The following RGS6 variants were observed in gnomAD, a reference collection of about 807,000 sequenced individuals.
The protein encoded by RGS6 is regulator of G protein signaling 6.
Under a neutral mutation model 78.5 loss-of-function variants are expected in RGS6, and 30 were observed. The ratio of observed to expected loss-of-function variants is 0.38; its 90% CI spans 0.29 to 0.52. The LOEUF (loss-of-function observed/expected upper bound fraction) is 0.52. RGS6 is among the 20% of genes least tolerant of loss of function. The pLI, the probability that RGS6 is intolerant of heterozygous loss-of-function variation, is 0.85. For missense variants in RGS6, 495 were observed against 609.7 expected, an observed-to-expected ratio of 0.81 and a Z score of 1.98; for synonymous variants, 206 against 206.0, an observed-to-expected ratio of 1.00 and a Z score of 0.00.
chr14:71,949,828 A>G (rs1176212583), intron 1 of RGS6, among the ~76,000 whole-genome samples: 5 of 150,482 alleles, frequency 3.3e-5, no homozygotes, highest in African/African-American at 1.2e-4. Context: ...GGTTGTAAAA[A>G]TCTACCTGTG....
chr14:72,512,568 C>G (rs2096891728), intron 14 of RGS6, among the ~76,000 whole-genome samples: 1 of 152,202 alleles, frequency 6.6e-6, no homozygotes, highest in Admixed American at 6.5e-5. Flanking sequence ...GCCACACCCC[C>G]AGAATGCAGA....
At chr14:72,376,716 A>G (rs2084821757) in intron 3 of RGS6, among the ~76,000 whole-genome samples, 1 of 152,218 alleles carries the variant, frequency 6.6e-6, no homozygotes, top group Admixed American at 6.5e-5. Flanking sequence ...TTGCCATTCA[A>G]TATTATGCCC....
At chr14:71,965,871 C>T (rs1221467856) in intron 2 of RGS6, among the ~76,000 whole-genome samples, 3 of 152,092 alleles carry the variant, frequency 2.0e-5, no homozygotes, top group African/African-American at 4.8e-5. Context: ...GAATTAAAGT[C>T]TGGATTAAAA....
chr14:71,989,238 T>A (rs1384077067), intron 2 of RGS6, among the ~76,000 whole-genome samples: 1 of 152,238 alleles, frequency 6.6e-6, no homozygotes. Flanking sequence ...GGTAAACCCA[T>A]GCCTGGGCCT....
In RGS6 at chr14:72,003,638, G is replaced by A. The variant is rs2083928278; in HGVS notation, c.84+38763G>A. ...TCCATACAGTAGGTGACACAGGTTA[G>A]GTTCCTCCAGAAAGCAGCCTCTTAT... is the stretch of plus-strand genomic sequence containing the variant. On this transcript the variant is annotated intron_variant, in intron 2 of 17. Transcript: ENST00000553525. 7.2e-5 allele frequency among the ~76,000 whole-genome samples: 11 copies of A among 152,208 alleles called. No individual in the cohort carries two copies. The South Asian group carries it at 1.2e-3, about 17-fold the overall frequency.
At chr14:72,629,516 T>A in the RGS6 span, 1 of 1,065,868 alleles carries the variant, frequency 9.4e-7, no homozygotes, top group Non-Finnish European at 1.4e-6. Context: ...AGTGCCAGGG[T>A]AACAGGCCCC....
chr14:71,885,553 G>T, the RGS6 span, among the ~76,000 whole-genome samples: 6 of 152,210 alleles, frequency 3.9e-5, no homozygotes, highest in African/African-American at 9.7e-5. Context: ...GAATGTCTCC[G>T]TGGTTCTCCT....
Position 72,562,727 on chromosome 14 carries a change from A to C in RGS6, c.*260A>C. 6.5e-7 allele frequency: 1 copy of C among 1,535,922 alleles called. No homozygotes were observed. The highest frequency in any genetic ancestry group is 8.7e-7 in the Non-Finnish European group (1 of 1,146,854). On this transcript the variant is annotated 3_prime_UTR_variant, in exon 18 of 18. Coordinates refer to ENST00000553525, the MANE Select transcript of RGS6 (RefSeq NM_001204424.2). Reference sequence around the variant, plus strand: ...CTTCTTTGTACAGTTGTATTCCAACACTCCACTCGCTAAGAGGCCCTGATC... The same window carrying C: ...CTTCTTTGTACAGTTGTATTCCAACCCTCCACTCGCTAAGAGGCCCTGATC...
At position 72,514,609 on chromosome 14, in the gene RGS6, A is replaced by C. The variant is rs1200372977; in HGVS notation, c.1092-3742A>C. On this transcript the variant is annotated intron_variant, in intron 14 of 17. Transcript: ENST00000553525. ...CAGCATTTCTAAGTCATGAACACGG[A>C]TCAAATGCCCGCACAGGGGCTGCCT... Among the ~76,000 whole-genome samples, 3 of 152,216 alleles carry C rather than the reference A, an allele frequency of 2.0e-5. No individual in the cohort carries two copies. The East Asian group carries it at 5.8e-4, about 29-fold the overall frequency.
rs140922699 is a variant in RGS6, at chr14:72,227,529, T to G, written c.85-124566T>G. On this transcript the variant is annotated intron_variant, in intron 2 of 17. Coordinates refer to ENST00000553525, the MANE Select transcript of RGS6 (RefSeq NM_001204424.2). The stretch of plus-strand genomic sequence containing the variant: ...CTAGTGTTTTGGGCAATAATGATTT[T>G]AAGGCTTTGAGGCCCCTTCCCAATG... 2.2e-4 allele frequency among the ~76,000 whole-genome samples: 34 copies of G among 152,332 alleles called. 1 individual carries two copies. In the East Asian group the frequency reaches 6.4e-3, roughly 29 times the overall value.
At chr14:72,468,301 C>A (rs1208299364) in intron 7 of RGS6, among the ~76,000 whole-genome samples, 3 of 151,976 alleles carry the variant, frequency 2.0e-5, no homozygotes, top group Non-Finnish European at 2.9e-5. Flanking sequence ...ATCCCTTGAA[C>A]CTGGGAGGCG....
At chr14:72,322,910 C>G (rs905065870) in intron 2 of RGS6, among the ~76,000 whole-genome samples, 3 of 151,876 alleles carry the variant, frequency 2.0e-5, no homozygotes, top group African/African-American at 7.3e-5. Context: ...ATACATATAC[C>G]AATACATACT....
intron 3 of RGS6, among the ~76,000 whole-genome samples, chr14:72,422,073 C>T (rs997821199): frequency 2.0e-5 from 3 of 152,144 alleles, no homozygotes; most frequent in African/African-American, 7.2e-5. Context: ...ATGATGGTAT[C>T]ATAATGGGGG....
At chr14:72,314,278 T>C (rs1363161552) in intron 2 of RGS6, among the ~76,000 whole-genome samples, 2 of 152,178 alleles carry the variant, frequency 1.3e-5, no homozygotes, top group Non-Finnish European at 2.9e-5. Context: ...TCCTGGCTCC[T>C]GTCTGCTGCT....
chr14:72,423,466 A>C (rs2094295556), intron 3 of RGS6, among the ~76,000 whole-genome samples: 1 of 152,262 alleles, frequency 6.6e-6, no homozygotes, highest in Admixed American at 6.5e-5. Flanking sequence ...TGTGGTACAC[A>C]TACACCATGG....
chr14:71,933,621 C>T (rs959315325), intron 1 of RGS6, among the ~76,000 whole-genome samples: 10 of 152,154 alleles, frequency 6.6e-5, no homozygotes. Flanking sequence ...ATGAAAGCTG[C>T]TGTATTTCAT....
the RGS6 span, among the ~76,000 whole-genome samples, chr14:71,885,976 C>T: frequency 4.4e-4 from 66 of 151,422 alleles, no homozygotes; most frequent in Non-Finnish European, 8.5e-4. Flanking sequence ...CCTCCCTTCC[C>T]TCTCCTTCCC....
chr14:72,203,297 T>C (rs775472216), intron 2 of RGS6, among the ~76,000 whole-genome samples: 5 of 152,246 alleles, frequency 3.3e-5, no homozygotes. Context: ...AATTAATAGA[T>C]GAATTAAGAC....
intron 2 of RGS6, among the ~76,000 whole-genome samples, chr14:72,131,450 C>T (rs754821519): frequency 1.3e-5 from 2 of 152,192 alleles, no homozygotes; most frequent in Non-Finnish European, 2.9e-5. Flanking sequence ...GGGACATTTT[C>T]TGATAAGCTG....
Sources: allele counts gnomAD v4.1 joint callset (sites outside exome capture counted in the v4.1 genomes callset), GRCh38; gene constraint gnomAD v4.1.1; transcripts MANE v1.5; gene names NCBI Gene and HGNC (gene_info 2026-07-23, HGNC 2026-07-21).